ANO10: variants seen among roughly 807,000 people sequenced by gnomAD.
ANO10 encodes the protein anoctamin-10.
Under a neutral mutation model 74.7 loss-of-function variants are expected in ANO10, and 77 were observed. The observed-to-expected ratio is 1.03, with a 90% CI of 0.86 to 1.25. ANO10 has a LOEUF of 1.25. Ranked by LOEUF, ANO10 falls within the 50% of genes most tolerant of loss-of-function variation. ANO10 has a pLI of 0.00. For missense variants in ANO10, 721 were observed against 778.1 expected, an observed-to-expected ratio of 0.93 and a Z score of 0.87; for synonymous variants, 279 against 284.9, an observed-to-expected ratio of 0.98 and a Z score of 0.21.
At chr3:43,515,453 T>C (rs1001251918) in intron 11 of ANO10, among the ~76,000 whole-genome samples, 7 of 152,156 alleles carry the variant, frequency 4.6e-5, no homozygotes, top group African/African-American at 7.2e-5. Flanking sequence ...AATGACACCA[T>C]TGTCTCTCCT....
intron 11 of ANO10, among the ~76,000 whole-genome samples, chr3:43,459,387 A>T (rs1257076315): frequency 1.3e-5 from 2 of 152,184 alleles, no homozygotes; most frequent in Non-Finnish European, 2.9e-5. Flanking sequence ...GTAACAAACA[A>T]GGTGGTATTA....
intron 11 of ANO10, among the ~76,000 whole-genome samples, chr3:43,517,912 G>A (rs866197579): frequency 2.6e-5 from 4 of 152,276 alleles, no homozygotes; most frequent in Non-Finnish European, 4.4e-5. Context: ...TTATCTGATT[G>A]TGGGCTGGTA....
chr3:43,401,419 G>A (rs1430614408), intron 12 of ANO10, among the ~76,000 whole-genome samples: 2 of 152,194 alleles, frequency 1.3e-5, no homozygotes, highest in African/African-American at 2.4e-5. Flanking sequence ...GGGGGGAAAC[G>A]CCATAAAAAT....
upstream of ANO10, among the ~76,000 whole-genome samples, chr3:43,624,410 A>T (rs1163443519): frequency 1.3e-5 from 2 of 152,204 alleles, no homozygotes; most frequent in Non-Finnish European, 2.9e-5. Flanking sequence ...TCATGGGGGT[A>T]GATTTCTCAT....
chr3:43,443,973 C>A (rs900877578), intron 11 of ANO10, among the ~76,000 whole-genome samples: 1 of 152,062 alleles, frequency 6.6e-6, no homozygotes, highest in Non-Finnish European at 1.5e-5. Flanking sequence ...TGAGTCACTG[C>A]ACCCGGATCC....
chr3:43,422,526 T>C (rs578018492), intron 12 of ANO10, among the ~76,000 whole-genome samples: 1 of 152,172 alleles, frequency 6.6e-6, no homozygotes, highest in South Asian at 2.1e-4. Context: ...TCTGTGAAAA[T>C]GGTCCCAAGC....
intron 11 of ANO10, among the ~76,000 whole-genome samples, chr3:43,490,413 G>A (rs570854215): frequency 7.2e-4 from 109 of 152,336 alleles, no homozygotes; most frequent in African/African-American, 7.9e-4. Flanking sequence ...TGGCAACTTG[G>A]AAGAGGGGGA....
intron 1 of ANO10, among the ~76,000 whole-genome samples, chr3:43,635,621 T>TTTC (rs2149561038): frequency 7.1e-6 from 1 of 141,168 alleles, no homozygotes; most frequent in Non-Finnish European, 1.6e-5. Context: ...AGCTCTGATC[T>TTTC]TTTTTTTTTT....
intron 1 of ANO10, among the ~76,000 whole-genome samples, chr3:43,682,528 T>C (rs1277188117): frequency 6.6e-6 from 1 of 152,166 alleles, no homozygotes; most frequent in Non-Finnish European, 1.5e-5. Context: ...CCATTCCTTC[T>C]GAAACTATTC....
At chr3:43,617,331 C>T (rs1275540121) in intron 1 of ANO10, among the ~76,000 whole-genome samples, 1 of 151,892 alleles carries the variant, frequency 6.6e-6, no homozygotes, top group African/African-American at 2.4e-5. Flanking sequence ...TTCTGTATTG[C>T]AGCCAATATC....
intron 11 of ANO10, among the ~76,000 whole-genome samples, chr3:43,504,247 G>A (rs180838582): frequency 2.6e-5 from 4 of 151,868 alleles, no homozygotes; most frequent in African/African-American, 9.7e-5. Context: ...CAGCCCAGGC[G>A]ACAAGTAAAA....
chr3:43,542,190 A>G lies in ANO10; in HGVS notation c.1797+7530T>C, dbSNP rs185664231. 4.6e-5 allele frequency among the ~76,000 whole-genome samples: 7 copies of G among 152,294 alleles called. No individual in the cohort carries two copies. The East Asian group carries it at 1.4e-3, about 29-fold the overall frequency. On this transcript the variant is annotated intron_variant, in intron 11 of 12. Coordinates refer to ENST00000292246, the MANE Select transcript of ANO10 (RefSeq NM_018075.5). Reference sequence around the variant, plus strand: ...TTATGCTCACCACAGCTGTTTTAAAAAGTATGTCTAGATGAGAAATGGTAA... The same window carrying G: ...TTATGCTCACCACAGCTGTTTTAAAGAGTATGTCTAGATGAGAAATGGTAA...
chr3:43,690,849 G>A (rs1218647265), intron 1 of ANO10: 4 of 823,148 alleles, frequency 4.9e-6, no homozygotes, highest in Non-Finnish European at 5.0e-6. Flanking sequence ...CGCAAACGCG[G>A]GCGCGCCGCC....
At chr3:43,501,959 T>C (rs1251905129) in intron 11 of ANO10, among the ~76,000 whole-genome samples, 1 of 152,206 alleles carries the variant, frequency 6.6e-6, no homozygotes, top group African/African-American at 2.4e-5. Context: ...CTTTTCTCCT[T>C]ACCTCACACC....
chr3:43,665,073 C>T (rs899362838), intron 1 of ANO10, among the ~76,000 whole-genome samples: 1 of 152,140 alleles, frequency 6.6e-6, no homozygotes, highest in Non-Finnish European at 1.5e-5. Context: ...GACACATGCA[C>T]ATGTATGTTT....
intron 11 of ANO10, among the ~76,000 whole-genome samples, chr3:43,540,855 G>C (rs1430431623): frequency 6.6e-6 from 1 of 152,194 alleles, no homozygotes; most frequent in Non-Finnish European, 1.5e-5. Context: ...CCTGAAGCCA[G>C]GGATGTATCA....
At chr3:43,432,872 C>A in intron 11 of ANO10, 145 bp from the exon 12 acceptor site, 1 of 645,606 alleles carries the variant, frequency 1.5e-6, no homozygotes, top group Admixed American at 2.1e-5. Flanking sequence ...AAAGACCAAG[C>A]AGGCCCATGA....
intron 11 of ANO10, among the ~76,000 whole-genome samples, chr3:43,521,715 G>A (rs543900720): frequency 1.3e-5 from 2 of 152,268 alleles, no homozygotes; most frequent in African/African-American, 4.8e-5. Context: ...TGGCACAGCT[G>A]CTACGGAAAA....
intron 1 of ANO10, chr3:43,691,338 C>G: frequency 3.9e-6 from 1 of 253,344 alleles, no homozygotes; most frequent in Non-Finnish European, 7.5e-6. Context: ...TAAGCCACCC[C>G]GCGGGCCGGC....
Sources: allele counts gnomAD v4.1 joint callset (sites outside exome capture counted in the v4.1 genomes callset), GRCh38; gene constraint gnomAD v4.1.1; transcripts MANE v1.5; gene names NCBI Gene and HGNC (gene_info 2026-07-23, HGNC 2026-07-21).